The following ARMH4 variants were observed in gnomAD, a reference collection of about 807,000 sequenced individuals.
ARMH4 encodes armadillo-like helical domain-containing protein 4.
In ARMH4, 49 loss-of-function variants were observed where a neutral mutation model predicts 61.9. The observed-to-expected ratio is 0.79, with a 90% CI of 0.63 to 1.00. ARMH4 has a LOEUF of 1.00. Among genes scored for constraint, ARMH4 ranks in the 50% least tolerant of loss-of-function variants. The pLI, the probability that ARMH4 is intolerant of heterozygous loss-of-function variation, is 0.00. For missense variants in ARMH4, 934 were observed against 930.0 expected (o/e 1.00, Z -0.06); for synonymous variants, 368 against 341.5 (o/e 1.08, Z -0.85).
At position 58,132,581 on chromosome 14, in the gene ARMH4, C is replaced by CTTTTT. The variant is rs71448942; in HGVS notation, c.1621+504_1621+508dup. On this transcript the variant is annotated intron_variant, in intron 3 of 7. Transcript: ENST00000267485. ...TTACTTACAAACTAAACCCTTGTCCCTTTTTTTTTTTTTTTTTTTTTTTGG... is the reference window on the plus strand; with the variant it reads ...TTACTTACAAACTAAACCCTTGTCCCTTTTTTTTTTTTTTTTTTTTTTTTTTTTGG... Among the ~76,000 whole-genome samples the CTTTTT allele has an allele frequency of 1.5e-4, 13 of 86,070 alleles. 2 individuals are homozygous for CTTTTT. Among genetic ancestry groups the CTTTTT allele is most frequent in the Non-Finnish European group, 2.1e-4 (9 of 43,258 alleles). 56.5% of individuals were successfully genotyped at this position (86,070 alleles called of 152,430 possible). A position where few individuals can be genotyped will look rare whatever the true frequency, so the allele number is the denominator to read the frequency against.
rs1885038742 is a variant in ARMH4 at position 58,076,103 on chromosome 14, G to T, written c.2089+20621C>A. 2.7e-5 allele frequency among the ~76,000 whole-genome samples: 4 copies of T among 150,932 alleles called. No homozygotes were observed. In the South Asian group the frequency reaches 8.5e-4, roughly 32 times the overall value. On this transcript the variant is annotated intron_variant, in intron 5 of 7. Coordinates refer to ENST00000267485, the MANE Select transcript of ARMH4 (RefSeq NM_001001872.4). ...GAAAGAGGAGGAAGGGGAGGGGAAGGGGGAGGGGGAAGGGGAGGAGGAGGA... is the reference window on the plus strand; with the variant it reads ...GAAAGAGGAGGAAGGGGAGGGGAAGTGGGAGGGGGAAGGGGAGGAGGAGGA...
rs796599954 is a variant in ARMH4 at position 58,117,927 on chromosome 14, T to C, written c.1831+13585A>G. On this transcript the variant is annotated intron_variant, in intron 4 of 7. Transcript: ENST00000267485. Reference sequence around the variant, plus strand: ...GTACATGCCACCACACCCAGCTAATTAAAAAAAAAAAAAATTTATACAGGT... The same window carrying C: ...GTACATGCCACCACACCCAGCTAATCAAAAAAAAAAAAAATTTATACAGGT... Among the ~76,000 whole-genome samples, 174 of 146,464 alleles carry C rather than the reference T, an allele frequency of 1.2e-3. 1 individual carries two copies. Among genetic ancestry groups the C allele is most frequent in the African/African-American group, 4.2e-3 (167 of 39,588 alleles).
At chr14:58,039,985 A>G (rs1211527492) in intron 5 of ARMH4, among the ~76,000 whole-genome samples, 2 of 152,166 alleles carry the variant, frequency 1.3e-5, no homozygotes, top group East Asian at 3.8e-4. Context: ...AGGTACAACA[A>G]TAACATAAAA....
chr14:58,007,891 T>G (rs941232296), intron 6 of ARMH4, among the ~76,000 whole-genome samples: 1 of 152,216 alleles, frequency 6.6e-6, no homozygotes, highest in East Asian at 1.9e-4. Flanking sequence ...TATATTCTGT[T>G]TTTTAAAAAG....
chr14:58,109,235 A>G (rs1400326365), intron 4 of ARMH4, among the ~76,000 whole-genome samples: 2 of 152,218 alleles, frequency 1.3e-5, no homozygotes, highest in Non-Finnish European at 2.9e-5. Flanking sequence ...GTGAGGTCAG[A>G]AAAATATTCT....
chr14:58,097,250 ATTAAAG>A (rs1885784677), intron 4 of ARMH4, among the ~76,000 whole-genome samples: 1 of 152,226 alleles, frequency 6.6e-6, no homozygotes, highest in East Asian at 1.9e-4. Context: ...ATGATTTGTT[ATTAAAG>A]TTATTTATAT....
chr14:58,123,548 C>T (rs1307381487), intron 4 of ARMH4, among the ~76,000 whole-genome samples: 3 of 152,136 alleles, frequency 2.0e-5, no homozygotes, highest in Non-Finnish European at 4.4e-5. Context: ...TCAATGAGGC[C>T]GTTGTCCCTC....
Position 58,135,367 on chromosome 14 carries a change from T to C in ARMH4, c.1370-2026A>G, listed in dbSNP as rs563819546. 2.6e-5 allele frequency among the ~76,000 whole-genome samples: 4 copies of C among 152,314 alleles called. No individual in the cohort carries two copies. In the East Asian group the frequency reaches 7.7e-4, roughly 29 times the overall value. On this transcript the variant is annotated intron_variant, in intron 2 of 7. Coordinates refer to ENST00000267485, the MANE Select transcript of ARMH4 (RefSeq NM_001001872.4). ...TGCTCTGTTTGCCACAAGAAGACAATAACATATAGTTTTACCATTTTAAGC... is the reference window on the plus strand; with the variant it reads ...TGCTCTGTTTGCCACAAGAAGACAACAACATATAGTTTTACCATTTTAAGC...
chr14:58,073,119 A>G (rs972590863), intron 5 of ARMH4, among the ~76,000 whole-genome samples: 1 of 152,140 alleles, frequency 6.6e-6, no homozygotes. Context: ...CTTTATGTCT[A>G]TATTTGGCTT....
At position 58,001,427 on chromosome 14, in the gene ARMH4, T is replaced by G. The variant is rs1881980511; in HGVS notation, c.*3309A>C. On this transcript the variant is annotated 3_prime_UTR_variant, in exon 8 of 8. Coordinates refer to ENST00000267485, the MANE Select transcript of ARMH4 (RefSeq NM_001001872.4). ...ATTCTTTTGGATATATGCCCAGAAG[T>G]GGGATAGTTGGATTATATAGTAGTT... is the stretch of plus-strand genomic sequence containing the variant. The G allele has an allele frequency of 6.6e-6, 1 of 152,168 alleles. No homozygotes were observed. Among genetic ancestry groups the G allele is most frequent in the Admixed American group, 6.5e-5 (1 of 15,280 alleles). The allele number at this position is 152,168 out of a possible 1,614,324, so 9.4% of individuals were successfully genotyped here. A position where few individuals can be genotyped will look rare whatever the true frequency, so the allele number is the denominator to read the frequency against.
intron 5 of ARMH4, among the ~76,000 whole-genome samples, chr14:58,031,157 G>A (rs937915914): frequency 2.6e-5 from 4 of 152,160 alleles, no homozygotes; most frequent in Non-Finnish European, 5.9e-5. Flanking sequence ...CTGCAGTTAG[G>A]CTTAAAAGGG....
At chr14:58,059,421 A>G (rs1884458330) in intron 5 of ARMH4, among the ~76,000 whole-genome samples, 1 of 152,236 alleles carries the variant, frequency 6.6e-6, no homozygotes, top group Non-Finnish European at 1.5e-5. Flanking sequence ...AGATTTCAGA[A>G]GAGCCCGGCA....
intron 4 of ARMH4, among the ~76,000 whole-genome samples, chr14:58,117,250 A>G (rs1478582758): frequency 1.3e-5 from 2 of 152,228 alleles, no homozygotes; most frequent in Non-Finnish European, 2.9e-5. Flanking sequence ...TATTAATATT[A>G]TATCTGTAAA....
chr14:58,057,465 T>TA, intron 5 of ARMH4, among the ~76,000 whole-genome samples: 1 of 152,322 alleles, frequency 6.6e-6, no homozygotes, highest in Middle Eastern at 3.4e-3. Context: ...AATTAAGTCA[T>TA]ATAACTAGTT....
At chr14:58,055,886 T>C (rs918646338) in intron 5 of ARMH4, among the ~76,000 whole-genome samples, 3 of 152,250 alleles carry the variant, frequency 2.0e-5, no homozygotes, top group African/African-American at 7.2e-5. Context: ...TCTAAGGGAT[T>C]TGTTTTAGGA....
At chr14:58,046,593 C>T (rs1024389036) in intron 5 of ARMH4, among the ~76,000 whole-genome samples, 1 of 152,168 alleles carries the variant, frequency 6.6e-6, no homozygotes, top group African/African-American at 2.4e-5. Context: ...ATTACCTGAG[C>T]AACTCAGCAA....
At chr14:58,111,067 T>C (rs1386849488) in intron 4 of ARMH4, among the ~76,000 whole-genome samples, 1 of 152,242 alleles carries the variant, frequency 6.6e-6, no homozygotes, top group Non-Finnish European at 1.5e-5. Flanking sequence ...ATTTTTTTAA[T>C]GGACTGGTTT....
At position 58,138,607 on chromosome 14, in the gene ARMH4, G is replaced by T. The variant is rs1566599767; in HGVS notation, c.752C>A (p.Thr251Asn). The stretch of plus-strand genomic sequence containing the variant: ...CTGCGAAGGCTTCTCCTTATCAGGG[G>T]TGAGGCTTCCAGGCTCACTGCCTGC... Reference protein sequence around the residue: ...STAGSEPGSLTPDKEKPSQMT... With the variant: ...STAGSEPGSLNPDKEKPSQMT... The change falls in exon 2 of 8, where the codon ACC becomes AAC. Residue 251 changes from threonine (T) to asparagine (N), a missense_variant. Coordinates refer to ENST00000267485, the MANE Select transcript of ARMH4 (RefSeq NM_001001872.4). 3 of 1,614,108 alleles carry T rather than the reference G, an allele frequency of 1.9e-6. No individual in the cohort carries two copies. The African/African-American group carries it at 4.0e-5, about 22-fold the overall frequency.
chr14:58,039,135 C>T (rs1214073014), intron 5 of ARMH4, among the ~76,000 whole-genome samples: 2 of 152,174 alleles, frequency 1.3e-5, no homozygotes, highest in African/African-American at 4.8e-5. Flanking sequence ...TGGGCCACTT[C>T]GGCTCCAGAA....
Sources: allele counts gnomAD v4.1 joint callset (sites outside exome capture counted in the v4.1 genomes callset), GRCh38; gene constraint gnomAD v4.1.1; transcripts MANE v1.5; gene names NCBI Gene and HGNC (gene_info 2026-07-23, HGNC 2026-07-21).